CSMD1: variants seen among roughly 807,000 people sequenced by gnomAD.
CSMD1 encodes the protein CUB and sushi domain-containing protein 1.
In CSMD1, 213 loss-of-function variants were observed where a neutral mutation model predicts 417.5. The ratio of observed to expected loss-of-function variants is 0.51; its 90% CI spans 0.46 to 0.57. The LOEUF (loss-of-function observed/expected upper bound fraction) is 0.57, where lower values mean the gene tolerates loss of function less well. Among genes scored for constraint, CSMD1 ranks in the 20% least tolerant of loss-of-function variants. CSMD1 has a pLI of 0.00. For synonymous variants in CSMD1, 2,862 were observed against 1,736.8 expected, an observed-to-expected ratio of 1.65 and a Z score of -16.11; for missense variants, 6,923 against 4,529.7, an observed-to-expected ratio of 1.53 and a Z score of -15.17.
At chr8:4,352,616 C>T (rs181167391) in intron 3 of CSMD1, among the ~76,000 whole-genome samples, 1 of 152,146 alleles carries the variant, frequency 6.6e-6, no homozygotes, top group Admixed American at 6.5e-5. Context: ...AAGTCATTTG[C>T]CCCGAGTGAC....
intron 7 of CSMD1, among the ~76,000 whole-genome samples, chr8:3,645,404 T>A (rs577844401): frequency 6.6e-6 from 1 of 152,296 alleles, no homozygotes; most frequent in South Asian, 2.1e-4. Context: ...CGGCTTCGGG[T>A]GTCTGGGTAC....
intron 3 of CSMD1, among the ~76,000 whole-genome samples, chr8:4,301,580 T>G (rs1797983729): frequency 6.6e-6 from 1 of 152,226 alleles, no homozygotes; most frequent in Non-Finnish European, 1.5e-5. Flanking sequence ...GCTCAATTAT[T>G]ATTTTTTTGT....
At chr8:4,201,840 C>T (rs1377044529) in intron 3 of CSMD1, among the ~76,000 whole-genome samples, 2 of 141,308 alleles carry the variant, frequency 1.4e-5, no homozygotes, top group Non-Finnish European at 1.5e-5. Flanking sequence ...ATAGAAGGAT[C>T]TTAATTGTGT....
intron 58 of CSMD1, 124 bp downstream of exon 58, chr8:2,966,446 T>A: frequency 3.5e-6 from 3 of 851,888 alleles, no homozygotes; most frequent in Non-Finnish European, 5.3e-6. Flanking sequence ...CACACATAGT[T>A]TTCCCTTTTT....
At chr8:3,606,134 A>C (rs1284765714) in intron 8 of CSMD1, among the ~76,000 whole-genome samples, 2 of 152,198 alleles carry the variant, frequency 1.3e-5, no homozygotes, top group Non-Finnish European at 2.9e-5. Flanking sequence ...GCTGGGTGTA[A>C]AGAGCCCCTC....
At chr8:4,038,744 T>C (rs1797741596) in intron 3 of CSMD1, among the ~76,000 whole-genome samples, 1 of 152,194 alleles carries the variant, frequency 6.6e-6, no homozygotes, top group African/African-American at 2.4e-5. Flanking sequence ...CTGCGCCCAA[T>C]GCAGACATTT....
intron 3 of CSMD1, among the ~76,000 whole-genome samples, chr8:4,130,302 T>A (rs1370226362): frequency 2.6e-5 from 4 of 152,172 alleles, no homozygotes; most frequent in African/African-American, 9.7e-5. Context: ...TTTATTCTGG[T>A]ATAATCCCCA....
intron 5 of CSMD1, among the ~76,000 whole-genome samples, chr8:3,808,924 C>A (rs1800904606): frequency 6.6e-6 from 1 of 152,120 alleles, no homozygotes; most frequent in Non-Finnish European, 1.5e-5. Context: ...AGCCTCAATT[C>A]CGTGTTAGTG....
chr8:4,535,421 T>G (rs1797054083), intron 2 of CSMD1, among the ~76,000 whole-genome samples: 1 of 152,174 alleles, frequency 6.6e-6, no homozygotes, highest in African/African-American at 2.4e-5. Context: ...AGAATTCATT[T>G]GCTTATCTGC....
chr8:3,363,852 A>T (rs141834673), intron 20 of CSMD1, among the ~76,000 whole-genome samples: 7 of 152,342 alleles, frequency 4.6e-5, no homozygotes, highest in Non-Finnish European at 8.8e-5. Context: ...TCCAGTGCAC[A>T]TAGTTAGCAA....
intron 12 of CSMD1, among the ~76,000 whole-genome samples, chr8:3,420,238 C>T (rs1200517833): frequency 4.6e-5 from 7 of 151,890 alleles, no homozygotes; most frequent in Non-Finnish European, 8.8e-5. Context: ...CCAGTCTAAC[C>T]ACAAGAAAAG....
chr8:4,116,839 A>C lies in CSMD1; in HGVS notation c.416-84740T>G, dbSNP rs555780785. ...AAAATAGGGTCTATTAAAAAAAAACAAAAAGCACCTGGCATTTACTGTACA... is the reference window on the plus strand; with the variant it reads ...AAAATAGGGTCTATTAAAAAAAAACCAAAAGCACCTGGCATTTACTGTACA... On this transcript the variant is annotated intron_variant, in intron 3 of 69. Transcript: ENST00000635120. Among the ~76,000 whole-genome samples the C allele has an allele frequency of 9.9e-5, 15 of 151,952 alleles. No homozygotes were observed. In the East Asian group the frequency reaches 2.3e-3, roughly 24 times the overall value.
chr8:3,395,287 G>A (rs1237531868), intron 17 of CSMD1, among the ~76,000 whole-genome samples: 2 of 152,256 alleles, frequency 1.3e-5, no homozygotes, highest in South Asian at 2.1e-4. Flanking sequence ...GATTCCTTCA[G>A]GTCCAATAGT....
At chr8:4,267,652 T>C (rs1804304325) in intron 3 of CSMD1, among the ~76,000 whole-genome samples, 1 of 152,086 alleles carries the variant, frequency 6.6e-6, no homozygotes, top group African/African-American at 2.4e-5. Context: ...TATCTTTGCA[T>C]ACTTCGTGTT....
intron 40 of CSMD1, among the ~76,000 whole-genome samples, chr8:3,144,803 GGGA>G (rs1397894208): frequency 1.1e-4 from 15 of 131,466 alleles, no homozygotes; most frequent in Non-Finnish European, 1.9e-4. Context: ...AAGGGGGGGG[GGGA>G]GGGAGGGAGG....
At position 4,380,227 on chromosome 8, in the gene CSMD1, A is replaced by C. The variant is rs535354921; in HGVS notation, c.415+39726T>G. On this transcript the variant is annotated intron_variant, in intron 3 of 69. Coordinates refer to ENST00000635120, the MANE Select transcript of CSMD1 (RefSeq NM_033225.6). Reference sequence around the variant, plus strand: ...CCAGACTACAGTATGGAAAAAGGACACCAGAGTAACCTTGCAGTGGACAAG... The same window carrying C: ...CCAGACTACAGTATGGAAAAAGGACCCCAGAGTAACCTTGCAGTGGACAAG... Among the ~76,000 whole-genome samples the C allele has an allele frequency of 2.6e-5, 4 of 152,288 alleles. No individual in the cohort carries two copies. In the East Asian group the frequency reaches 7.7e-4, roughly 29 times the overall value.
rs187152942 is a variant in CSMD1 at position 3,781,798 on chromosome 8, A to T, written c.819-27756T>A. Among the ~76,000 whole-genome samples, 523 of 152,296 alleles carry T rather than the reference A, an allele frequency of 3.4e-3. 4 individuals carry two copies. The highest frequency in any genetic ancestry group is 4.9e-3 in the Non-Finnish European group (335 of 68,016). On this transcript the variant is annotated intron_variant, in intron 5 of 69. Transcript: ENST00000635120. Reference sequence around the variant, plus strand: ...AAATGCTGAATAAATGTTTCCTTTTAAAAAAGTTATGACTTTTTATGATTT... The same window carrying T: ...AAATGCTGAATAAATGTTTCCTTTTTAAAAAGTTATGACTTTTTATGATTT...
At chr8:3,841,202 A>G (rs148273134) in intron 5 of CSMD1, among the ~76,000 whole-genome samples, 5 of 152,320 alleles carry the variant, frequency 3.3e-5, no homozygotes, top group South Asian at 2.1e-4. Context: ...AAGGAATTCC[A>G]TACAATTTCA....
chr8:4,762,582 G>A (rs1315639798), intron 1 of CSMD1, among the ~76,000 whole-genome samples: 2 of 152,050 alleles, frequency 1.3e-5, no homozygotes, highest in Admixed American at 1.3e-4. Flanking sequence ...AACACAGGAA[G>A]AACCAGTGCA....
Sources: allele counts gnomAD v4.1 joint callset (sites outside exome capture counted in the v4.1 genomes callset), GRCh38; gene constraint gnomAD v4.1.1; transcripts MANE v1.5; gene names NCBI Gene and HGNC (gene_info 2026-07-23, HGNC 2026-07-21).